SVIL: variants seen among roughly 807,000 people sequenced by gnomAD.
SVIL encodes archvillin.
In SVIL, 101 loss-of-function variants were observed where a neutral mutation model predicts 240.4. The observed-to-expected ratio is 0.42, with a 90% CI of 0.36 to 0.50. The LOEUF is 0.50. Ranked by LOEUF, SVIL falls within the 20% of genes least tolerant of loss-of-function variation. The pLI, the probability that SVIL is intolerant of heterozygous loss-of-function variation, is 0.01. For synonymous variants in SVIL, 999 were observed against 1,100.0 expected, an observed-to-expected ratio of 0.91 and a Z score of 1.82; for missense variants, 2,512 against 2,818.7, an observed-to-expected ratio of 0.89 and a Z score of 2.46.
intron 2 of SVIL, among the ~76,000 whole-genome samples, chr10:29,670,683 C>A (rs989701717): frequency 1.3e-5 from 2 of 152,134 alleles, no homozygotes; most frequent in Non-Finnish European, 2.9e-5. Flanking sequence ...AGCTGCATTT[C>A]ATCTAGAAAG....
intron 5 of SVIL, among the ~76,000 whole-genome samples, chr10:29,552,485 C>T (rs927700707): frequency 1.5e-4 from 22 of 150,018 alleles, no homozygotes; most frequent in Admixed American, 5.4e-4. Context: ...ATCACTTGAA[C>T]CCGGGAGGCA....
rs764512497 is a variant in SVIL, at chr10:29,462,295, G to A, written c.6384C>T (p.Ile2128=). The part of the protein sequence containing the change: ...MFPSWEHRED[I]AEITEMDTEV... ...TGCTCACCATCTCTGTGATCTCAGC[G>A]ATGTCCTCTCTGTGCTCCCAGCTGG... Residue 2128 remains isoleucine, a synonymous_variant, in exon 36 of 38, where the codon ATC becomes ATT. Coordinates refer to ENST00000355867, the MANE Select transcript of SVIL (RefSeq NM_021738.3). The A allele has an allele frequency of 2.0e-5, 32 of 1,614,052 alleles. No homozygotes were observed. Among genetic ancestry groups the A allele is most frequent in the Non-Finnish European group, 2.5e-5 (30 of 1,180,032 alleles).
intron 2 of SVIL, among the ~76,000 whole-genome samples, chr10:29,661,418 A>G (rs74131924): frequency 0.012 from 1,841 of 152,300 alleles, 31 homozygotes; most frequent in African/African-American, 0.043. Flanking sequence ...ACCGGAATAA[A>G]AGCAGAAAAG....
intron 12 of SVIL, 106 bp downstream of exon 12, chr10:29,529,599 A>G: frequency 7.5e-7 from 1 of 1,340,548 alleles, no homozygotes; most frequent in Non-Finnish European, 9.8e-7. Context: ...TGTGGCTTCT[A>G]GCTAAATCAC....
intron 1 of SVIL, among the ~76,000 whole-genome samples, chr10:29,623,889 T>C (rs1483442975): frequency 6.6e-6 from 1 of 152,130 alleles, no homozygotes; most frequent in African/African-American, 2.4e-5. Flanking sequence ...TCATTTGCCA[T>C]GGTGGTCCCT....
At chr10:29,528,993 T>C (rs1196293912) in intron 12 of SVIL, among the ~76,000 whole-genome samples, 4 of 151,692 alleles carry the variant, frequency 2.6e-5, no homozygotes, top group South Asian at 2.1e-4. Context: ...CTGGCCAACA[T>C]GGTGAAACCC....
chr10:29,688,379 C>T (rs2132606940), intron 1 of SVIL, among the ~76,000 whole-genome samples: 1 of 152,290 alleles, frequency 6.6e-6, no homozygotes, highest in East Asian at 1.9e-4. Context: ...TAGAGTGTGG[C>T]AGGGGCAGCC....
intron 6 of SVIL, among the ~76,000 whole-genome samples, chr10:29,547,203 T>C (rs1344958173): frequency 1.3e-5 from 2 of 152,196 alleles, no homozygotes; most frequent in Non-Finnish European, 2.9e-5. Flanking sequence ...TTTAATCCAC[T>C]GTAAATCAAT....
chr10:29,521,056 T>C (rs1170532930), intron 16 of SVIL, among the ~76,000 whole-genome samples: 1 of 151,616 alleles, frequency 6.6e-6, no homozygotes, highest in Non-Finnish European at 1.5e-5. Context: ...GCCCCAACTC[T>C]ACTAAAAATA....
Position 29,677,122 on chromosome 10 carries a change from C to T in SVIL, c.-301+9431G>A, listed in dbSNP as rs189611834. Among the ~76,000 whole-genome samples the T allele has an allele frequency of 2.6e-3, 401 of 152,262 alleles. 1 individual carries two copies. The South Asian group carries it at 0.031, about 12-fold the overall frequency. ...CCAGGGACTAAATAGTATTAAATCT[C>T]CCTCCATGTGAGTGCCCCAGATGTC... On this transcript the variant is annotated intron_variant, in intron 2 of 35. Coordinates refer to the SVIL transcript ENST00000375400.
chr10:29,476,595 G>T (rs1388099329), intron 29 of SVIL, among the ~76,000 whole-genome samples: 4 of 151,960 alleles, frequency 2.6e-5, no homozygotes, highest in Non-Finnish European at 4.4e-5. Context: ...TATAAACAAG[G>T]TCTCTCACTA....
chr10:29,493,420 A>G, intron 20 of SVIL, 29 bp from the exon 21 acceptor site: 1 of 1,610,902 alleles, frequency 6.2e-7, no homozygotes, highest in Non-Finnish European at 8.5e-7. Context: ...AAGACATAAG[A>G]GTTTTATAAA....
rs757540797 is a variant in SVIL, at chr10:29,554,815, A to G, written c.128T>C (p.Met43Thr). ...RLLEEDTPRY[M>T]RASDPASPHI... is the part of the protein sequence containing the mutation. ...GGGGCTGGCAGGGTCGCTGGCTCTC[A>G]TGTATCGAGGGGTGTCTTCCTCCAG... The change falls in exon 5 of 38, where the codon ATG becomes ACG. Residue 43 changes from methionine (M) to threonine (T), a missense_variant. By Grantham distance (81) the Met-to-Thr change is moderately conservative. Around this residue, in one of 3 missense-constraint regions of SVIL, gnomAD observed 1,443 missense variants for 1,486.6 expected, o/e 0.97. Coordinates refer to ENST00000355867, the MANE Select transcript of SVIL (RefSeq NM_021738.3). The G allele has an allele frequency of 6.2e-7, 1 of 1,611,972 alleles. No individual in the cohort carries two copies. The highest frequency in any genetic ancestry group is 8.5e-7 in the Non-Finnish European group (1 of 1,179,074).
chr10:29,730,431 C>T (rs1051811778), intron 1 of SVIL, among the ~76,000 whole-genome samples: 2 of 152,126 alleles, frequency 1.3e-5, no homozygotes. Context: ...CTAATCTTAG[C>T]GCAGGCAAGG....
At chr10:29,588,303 C>T (rs1041526266) in intron 1 of SVIL, among the ~76,000 whole-genome samples, 75 of 150,486 alleles carry the variant, frequency 5.0e-4, no homozygotes, top group African/African-American at 1.7e-3. Context: ...AATCTAGCAC[C>T]GCTGAAACGT....
chr10:29,529,825 TC>T lies in SVIL; in HGVS notation c.2125del (p.Asp709MetfsTer55). ...LLFREMEKSF[D>X]EQNVPKRRSR... ...GCGTCGCTTTGGAACATTTTGTTCA[TC>T]AAAAGATTTTTCCATCTCCTAAGAT... is the stretch of plus-strand genomic sequence containing the variant. On this transcript the variant is annotated frameshift_variant, in exon 12 of 38. Coordinates refer to ENST00000355867, the MANE Select transcript of SVIL (RefSeq NM_021738.3). LOFTEE classifies it high-confidence loss of function. 6.2e-7 allele frequency: 1 copy of T among 1,610,456 alleles called. No homozygotes were observed. Among genetic ancestry groups the T allele is most frequent in the Non-Finnish European group, 8.5e-7 (1 of 1,178,952 alleles).
At chr10:29,481,374 C>T (rs1037443592) in intron 28 of SVIL, among the ~76,000 whole-genome samples, 2 of 151,902 alleles carry the variant, frequency 1.3e-5, no homozygotes, top group African/African-American at 2.4e-5. Context: ...CTCTGGTTTT[C>T]TCCTGCACAG....
chr10:29,532,233 T>C lies in SVIL; in HGVS notation c.1839-61A>G, dbSNP rs36109852. 0.41 allele frequency: 642,858 copies of C among 1,571,762 alleles called. 135,782 individuals are homozygous for C. The highest frequency in any genetic ancestry group is 0.44 in the Non-Finnish European group (505,544 of 1,157,592). On this transcript the variant is annotated intron_variant, in intron 8 of 37. Coordinates refer to ENST00000355867, the MANE Select transcript of SVIL (RefSeq NM_021738.3). ...CAAACGAAGACAGAGAAAGAGAAGA[T>C]GGCAAAGGATTATGCATCTCCGTGA... is the stretch of plus-strand genomic sequence containing the variant.
rs377455601 is a variant in SVIL, at chr10:29,467,718, C to T, written c.5977+24G>A. ...CCAAAAACAAACAAAAAAACCAGAT[C>T]GCAGACTGTGGATGCCACATTACCT... On this transcript the variant is annotated intron_variant, in intron 33 of 37. Transcript: ENST00000355867. 242 of 1,613,442 alleles carry T rather than the reference C, an allele frequency of 1.5e-4. No individual in the cohort carries two copies. The South Asian group carries it at 1.9e-3, about 13-fold the overall frequency.
Sources: allele counts gnomAD v4.1 joint callset (sites outside exome capture counted in the v4.1 genomes callset), GRCh38; gene constraint gnomAD v4.1.1; regional missense constraint gnomAD v4.1.1; transcripts MANE v1.5; gene names NCBI Gene and HGNC (gene_info 2026-07-23, HGNC 2026-07-21).